The following TUBA3E variants were observed in gnomAD, a reference collection of about 807,000 sequenced individuals.
The protein encoded by TUBA3E is tubulin alpha 3e.
TUBA3E carries 21 observed loss-of-function variants against 36.7 expected under a neutral mutation model. The ratio of observed to expected loss-of-function variants is 0.57; its 90% CI spans 0.41 to 0.83. The LOEUF (loss-of-function observed/expected upper bound fraction) is 0.83, where lower values mean the gene tolerates loss of function less well. TUBA3E is among the 40% of genes least tolerant of loss of function. The probability of loss-of-function intolerance (pLI) is 0.00; values close to 1 mark genes in which losing one functional copy is unlikely to be tolerated. For synonymous variants in TUBA3E, 177 were observed against 241.9 expected (o/e 0.73, Z 2.49); for missense variants, 469 against 604.2 (o/e 0.78, Z 2.35).
At chr2:130,192,616 T>C (rs2104747383) in intron 4 of TUBA3E, among the ~76,000 whole-genome samples, 1 of 152,340 alleles carries the variant, frequency 6.6e-6, no homozygotes, top group Admixed American at 6.5e-5. Flanking sequence ...ATATGAATGC[T>C]GCTACCACAG....
At chr2:130,192,382 A>G (rs1390349137) in intron 4 of TUBA3E, among the ~76,000 whole-genome samples, 1 of 151,068 alleles carries the variant, frequency 6.6e-6, no homozygotes, top group Non-Finnish European at 1.5e-5. Flanking sequence ...TACCTGTGAC[A>G]TGTGATAGGT....
In TUBA3E at chr2:130,198,301, C is replaced by T; in HGVS notation, c.3+57G>A. 3 of 1,349,732 alleles carry T rather than the reference C, an allele frequency of 2.2e-6. 1 individual carries two copies. The highest frequency in any genetic ancestry group is 3.0e-6 in the Non-Finnish European group (3 of 990,036). The allele number at this position is 1,349,732 out of a possible 1,614,324, so 83.6% of individuals were successfully genotyped here. ...CCCGCAACAACGTCCCTCTGTCCAC[C>T]CGAGGCCAACTTCGTCTGCCTGGGC... On this transcript the variant is annotated intron_variant, in intron 1 of 4. Coordinates refer to ENST00000312988, the MANE Select transcript of TUBA3E (RefSeq NM_207312.3).
chr2:130,193,184 G>C (rs1690310925), intron 4 of TUBA3E, among the ~76,000 whole-genome samples: 2 of 151,984 alleles, frequency 1.3e-5, no homozygotes, highest in Admixed American at 6.6e-5. Flanking sequence ...GAGTCTGGGA[G>C]GCAGAGGTTG....
rs191701179 is a variant in TUBA3E at position 130,198,332 on chromosome 2, C to T, written c.3+26G>A. On this transcript the variant is annotated intron_variant, in intron 1 of 4. Transcript: ENST00000312988. ...CCAACTTCGTCTGCCTGGGCATCTG[C>T]GGGGCGGGAGTGACCCGGGTCTTAC... The T allele has an allele frequency of 6.7e-6, 9 of 1,353,050 alleles. 1 individual carries two copies. The highest frequency in any genetic ancestry group is 1.3e-5 in the South Asian group (1 of 75,252). The allele number at this position is 1,353,050 out of a possible 1,614,324, so 83.8% of individuals were successfully genotyped here.
chr2:130,198,352 T>C lies in TUBA3E; in HGVS notation c.3+6A>G, dbSNP rs142819527. ...ATCTGCGGGGCGGGAGTGACCCGGGTCTTACCATGGCGAACTCCGCTGCTT... is the reference window on the plus strand; with the variant it reads ...ATCTGCGGGGCGGGAGTGACCCGGGCCTTACCATGGCGAACTCCGCTGCTT... On this transcript the variant is annotated splice_donor_region_variant and intron_variant, in intron 1 of 4. Coordinates refer to ENST00000312988, the MANE Select transcript of TUBA3E (RefSeq NM_207312.3). The C allele has an allele frequency of 0.023, 30,474 of 1,344,686 alleles. 8,845 individuals carry two copies. The highest frequency in any genetic ancestry group is 0.026 in the Non-Finnish European group (25,848 of 987,052). 83.3% of individuals were successfully genotyped at this position (1,344,686 alleles called of 1,614,324 possible).
rs1390169787 is a variant in TUBA3E at position 130,198,245 on chromosome 2, G to A, written c.3+113C>T. On this transcript the variant is annotated intron_variant, in intron 1 of 4. Coordinates refer to ENST00000312988, the MANE Select transcript of TUBA3E (RefSeq NM_207312.3). ...CCTCCTGTCCCGCACTAGACCCTGC[G>A]TCCTTCTCTGGCCTCCTCTCAGCGC... is the stretch of plus-strand genomic sequence containing the variant. The A allele has an allele frequency of 2.0e-5, 24 of 1,201,696 alleles. 6 individuals carry two copies. Among genetic ancestry groups the A allele is most frequent in the African/African-American group, 1.6e-4 (10 of 61,544 alleles). 74.4% of individuals were successfully genotyped at this position (1,201,696 alleles called of 1,614,324 possible). A position where few individuals can be genotyped will look rare whatever the true frequency, so the allele number is the denominator to read the frequency against.
intron 4 of TUBA3E, among the ~76,000 whole-genome samples, chr2:130,193,454 C>G (rs1690319128): frequency 6.8e-6 from 1 of 146,400 alleles, no homozygotes; most frequent in South Asian, 2.2e-4. Context: ...ACTAAAAATA[C>G]AAAAATTAGC....
At position 130,193,587 on chromosome 2, in the gene TUBA3E, C is replaced by T. The variant is rs1424759386; in HGVS notation, c.1056+199G>A. Reference sequence around the variant, plus strand: ...TCGCACCACTGCACTCCAGCCTGGTCGACAGAGCAAGACTGTCTCAAAAAA... The same window carrying T: ...TCGCACCACTGCACTCCAGCCTGGTTGACAGAGCAAGACTGTCTCAAAAAA... On this transcript the variant is annotated intron_variant, in intron 4 of 4. Transcript: ENST00000312988. 5.3e-3 allele frequency among the ~76,000 whole-genome samples: 727 copies of T among 137,176 alleles called. 1 individual carries two copies. The highest frequency in any genetic ancestry group is 8.9e-3 in the Non-Finnish European group (588 of 65,992). The allele number at this position is 137,176 out of a possible 152,430, so 90.0% of individuals were successfully genotyped here.
At position 130,192,044 on chromosome 2, in the gene TUBA3E, G is replaced by A. The variant is rs770563887; in HGVS notation, c.1140C>T (p.Asn380=). The change falls in exon 5 of 5, where the codon AAC becomes AAT. Residue 380 remains asparagine (N), a synonymous_variant. Coordinates refer to ENST00000312988, the MANE Select transcript of TUBA3E (RefSeq NM_207312.3). ...KVQRAVCMLS[N]TTAIAEAWAR... is the part of the protein sequence containing the mutation. The stretch of plus-strand genomic sequence containing the variant: ...CCCAGGCCTCCGCAATGGCCGTGGT[G>A]TTGCTCAGCATGCACACGGCCCGCT... The A allele has an allele frequency of 7.4e-6, 12 of 1,614,028 alleles. No individual in the cohort carries two copies. In the South Asian group the frequency reaches 1.2e-4, roughly 16 times the overall value.
At position 130,194,346 on chromosome 2, in the gene TUBA3E, T is replaced by G. The variant is rs1342194867; in HGVS notation, c.496A>C (p.Lys166Gln). The G allele has an allele frequency of 8.1e-6, 13 of 1,613,156 alleles. No homozygotes were observed. The highest frequency in any genetic ancestry group is 1.1e-5 in the Non-Finnish European group (13 of 1,179,902). ...RLSVDYSKKS[K>Q]LEFAIYPAPQ... ...GCTGGGTAAATGGCAAACTCTAGCT[T>G]GGACTTCTTGCTGTAATCCACTGAG... Residue 166 changes from lysine (K) to glutamine (Q), a missense_variant, in exon 4 of 5, where the codon AAG (lysine) becomes CAG (glutamine). Physicochemically the swap from Lys to Gln is moderately conservative, Grantham distance 53. Transcript: ENST00000312988.
intron 4 of TUBA3E, among the ~76,000 whole-genome samples, chr2:130,193,170 G>A (rs115410310): frequency 0.026 from 3,971 of 151,626 alleles, 194 homozygotes; most frequent in African/African-American, 0.092. Flanking sequence ...TGAGAGAATC[G>A]CTAGAGTCTG....
Position 130,193,826 on chromosome 2 carries a change from C to T in TUBA3E, c.1016G>A (p.Arg339His), listed in dbSNP as rs780831143. 1.2e-5 allele frequency: 19 copies of T among 1,613,530 alleles called. No homozygotes were observed. Among genetic ancestry groups the T allele is most frequent in the Non-Finnish European group, 1.4e-5 (16 of 1,179,588 alleles). The change falls in exon 4 of 5, where the codon CGC becomes CAC. Residue 339 changes from arginine (R) to histidine (H), a missense_variant. Arg to His is a conservative substitution (Grantham distance 29). This residue lies in a region of TUBA3E where 296 missense variants were observed against 346.9 expected (regional missense o/e 0.85). Coordinates refer to ENST00000312988, the MANE Select transcript of TUBA3E (RefSeq NM_207312.3). ...GCACCAATCCACAAACTGGATAGTG[C>T]GCTTGGTCTTGATGGTGGCGATGGC... ...NAAIATIKTK[R>H]TIQFVDWCPT... is the part of the protein sequence containing the mutation.
In TUBA3E at chr2:130,193,875, C is replaced by T. The variant is rs143917892; in HGVS notation, c.967G>A (p.Val323Met). ...GCCGCATTGACGTCTTTGGGGACCA[C>T]GTCCCCCCTGTACAACATGCAGCAG... is the stretch of plus-strand genomic sequence containing the variant. ...MACCMLYRGDVVPKDVNAAIA... is the reference protein window; with the variant it reads ...MACCMLYRGDMVPKDVNAAIA... The change falls in exon 4 of 5, where the codon GTG (valine) becomes ATG (methionine). Residue 323 changes from valine to methionine, a missense_variant. Val to Met is a conservative substitution (Grantham distance 21, BLOSUM62 1). Coordinates refer to ENST00000312988, the MANE Select transcript of TUBA3E (RefSeq NM_207312.3). The T allele has an allele frequency of 4.6e-5, 74 of 1,614,064 alleles. No individual in the cohort carries two copies. Among genetic ancestry groups the T allele is most frequent in the South Asian group, 7.7e-5 (7 of 91,084 alleles).
Position 130,194,090 on chromosome 2 carries a change from T to G in TUBA3E, c.752A>C (p.Asp251Ala). 6.2e-7 allele frequency: 1 copy of G among 1,614,118 alleles called. No individual in the cohort carries two copies. ...SLRFDGALNV[D>A]LTEFQTNLVP... ...GAGGTTGGTCTGGAATTCCGTCAAG[T>G]CCACATTCAGGGCCCCATCAAATCG... The change falls in exon 4 of 5, where the codon GAC (aspartate) becomes GCC (alanine). Residue 251 changes from aspartate (D) to alanine (A), a missense_variant. This residue lies in a region of TUBA3E where 296 missense variants were observed against 346.9 expected (regional missense o/e 0.85). Transcript: ENST00000312988.
chr2:130,194,770 C>T (rs577982230), intron 3 of TUBA3E, among the ~76,000 whole-genome samples: 9 of 152,232 alleles, frequency 5.9e-5, no homozygotes, highest in Admixed American at 2.0e-4. Context: ...CTCCACCTTC[C>T]GAGTTCAAGC....
In TUBA3E at chr2:130,196,374, G is replaced by A; in HGVS notation, c.4-3C>T. 6.2e-7 allele frequency: 1 copy of A among 1,611,614 alleles called. No individual in the cohort carries two copies. The stretch of plus-strand genomic sequence containing the variant: ...ACGTGGATAGAGATACACTCGCGCT[G>A]TGAACCGGAACATAAATGTGAACCC... On this transcript the variant is annotated splice_region_variant and splice_polypyrimidine_tract_variant and intron_variant, in intron 1 of 4. Coordinates refer to ENST00000312988, the MANE Select transcript of TUBA3E (RefSeq NM_207312.3).
intron 4 of TUBA3E, among the ~76,000 whole-genome samples, chr2:130,193,241 C>A (rs1690312252): frequency 1.3e-5 from 2 of 151,542 alleles, no homozygotes; most frequent in Admixed American, 1.3e-4. Context: ...CAAAGCGAGA[C>A]CCTGTCTCAA....
rs779521754 is a variant in TUBA3E, at chr2:130,194,170, G to A, written c.672C>T (p.Tyr224=). ...RRNLDIERPT[Y]TNLNRLIGQI... is the part of the protein sequence containing the mutation. ...GCCCAATCAGGCGATTGAGGTTGGT[G>A]TACGTGGGACGTTCAATGTCCAGGT... The change falls in exon 4 of 5, where the codon TAC becomes TAT. Residue 224 remains tyrosine (Y), a synonymous_variant. Coordinates refer to ENST00000312988, the MANE Select transcript of TUBA3E (RefSeq NM_207312.3). 9.9e-6 allele frequency: 16 copies of A among 1,613,764 alleles called. 1 individual carries two copies. Among genetic ancestry groups the A allele is most frequent in the Middle Eastern group, 1.7e-4 (1 of 5,802 alleles).
chr2:130,197,678 C>G lies in TUBA3E; in HGVS notation c.3+680G>C, dbSNP rs574601794. On this transcript the variant is annotated intron_variant, in intron 1 of 4. Transcript: ENST00000312988. The stretch of plus-strand genomic sequence containing the variant: ...CTGGAGTGCACTGGCGCCATCACGA[C>G]TCACTGCAGCCTCAAAGTTCCAGGC... Among the ~76,000 whole-genome samples, 1,038 of 125,568 alleles carry G rather than the reference C, an allele frequency of 8.3e-3. 276 individuals carry two copies. Among genetic ancestry groups the G allele is most frequent in the Non-Finnish European group, 1.8e-3 (102 of 56,664 alleles). The allele number at this position is 125,568 out of a possible 152,430, so 82.4% of individuals were successfully genotyped here.
Sources: gnomAD v4.1 joint callset for allele counts (sites outside exome capture counted in the v4.1 genomes callset) on GRCh38, gnomAD v4.1.1 for gene constraint, gnomAD v4.1.1 regional missense constraint, MANE v1.5 for transcripts, NCBI Gene and HGNC (gene_info 2026-07-23, HGNC 2026-07-21) for gene names.